The following CACNB4 variants were observed in gnomAD, a reference collection of about 807,000 sequenced individuals.
CACNB4 encodes the protein calcium voltage-gated channel auxiliary subunit beta 4, also known as voltage-dependent L-type calcium channel subunit beta-4.
Under a neutral mutation model 71.2 loss-of-function variants are expected in CACNB4, and 32 were observed. The ratio of observed to expected loss-of-function variants is 0.45; its 90% CI spans 0.34 to 0.60. The LOEUF is 0.60. Ranked by LOEUF, CACNB4 falls within the 20% of genes least tolerant of loss-of-function variation. The pLI is 0.01. For missense variants in CACNB4, 464 were observed against 647.9 expected, an observed-to-expected ratio of 0.72 and a Z score of 3.08; for synonymous variants, 231 against 236.9, an observed-to-expected ratio of 0.97 and a Z score of 0.23.
intron 2 of CACNB4, among the ~76,000 whole-genome samples, chr2:151,905,697 T>C (rs2099854629): frequency 6.6e-6 from 1 of 152,106 alleles, no homozygotes. Flanking sequence ...AAACATGACA[T>C]GTAAGGCCCA....
intron 2 of CACNB4, among the ~76,000 whole-genome samples, chr2:152,036,136 T>C (rs371792943): frequency 6.6e-6 from 1 of 152,218 alleles, no homozygotes; most frequent in South Asian, 2.1e-4. Context: ...GAAAATATAA[T>C]GTGGTTGCCA....
intron 2 of CACNB4, among the ~76,000 whole-genome samples, chr2:151,934,661 ACCCCGTCT>A (rs2099862478): frequency 1.3e-5 from 2 of 152,040 alleles, no homozygotes. Context: ...ACATGGTGAA[ACCCCGTCT>A]CTACTAAAAA....
At chr2:152,002,252 C>T (rs1206905054) in intron 2 of CACNB4, among the ~76,000 whole-genome samples, 1 of 152,174 alleles carries the variant, frequency 6.6e-6, no homozygotes, top group East Asian at 1.9e-4. Context: ...CCTCTTTCGT[C>T]CTCTTACTTG....
chr2:151,928,705 C>G (rs1300199523), intron 2 of CACNB4, among the ~76,000 whole-genome samples: 1 of 152,088 alleles, frequency 6.6e-6, no homozygotes, highest in Non-Finnish European at 1.5e-5. Context: ...AGGCACATCA[C>G]TTTGAGTTCA....
chr2:151,978,172 T>C (rs1033943194), intron 2 of CACNB4, among the ~76,000 whole-genome samples: 1 of 57,472 alleles, frequency 1.7e-5, no homozygotes, highest in African/African-American at 7.5e-5. Flanking sequence ...TCCTCTGCTG[T>C]AGTTCTCTGA....
At chr2:151,999,624 C>G (rs375841103) in intron 2 of CACNB4, among the ~76,000 whole-genome samples, 1 of 152,080 alleles carries the variant, frequency 6.6e-6, no homozygotes, top group Non-Finnish European at 1.5e-5. Flanking sequence ...CAGCCAGAGC[C>G]GAGAGCCAAT....
At chr2:152,020,283 T>G (rs1386109023) in intron 2 of CACNB4, among the ~76,000 whole-genome samples, 1 of 152,158 alleles carries the variant, frequency 6.6e-6, no homozygotes, top group Non-Finnish European at 1.5e-5. Context: ...ATCAAGATGG[T>G]GGGTGGCATT....
In CACNB4 at chr2:151,834,699, G is replaced by C. The variant is rs2099834511; in HGVS notation, c.*4420C>G. 1 of 151,934 alleles carries C rather than the reference G, an allele frequency of 6.6e-6. No individual in the cohort carries two copies. The highest frequency in any genetic ancestry group is 2.1e-4 in the South Asian group (1 of 4,824). The allele number at this position is 151,934 out of a possible 1,614,324, so 9.4% of individuals were successfully genotyped here. ...TGTCTGTCTAACAGCTAATTGGATT[G>C]ACTTGACTGGTTTGATCATGATTAT... On this transcript the variant is annotated 3_prime_UTR_variant, in exon 14 of 14. Coordinates refer to ENST00000539935, the MANE Select transcript of CACNB4 (RefSeq NM_000726.5).
intron 2 of CACNB4, among the ~76,000 whole-genome samples, chr2:152,057,332 G>A (rs1685779329): frequency 6.6e-6 from 1 of 152,146 alleles, no homozygotes; most frequent in African/African-American, 2.4e-5. Flanking sequence ...GTGACTACAG[G>A]TGATACAGAA....
chr2:151,848,105 C>T (rs2099838072), intron 12 of CACNB4, among the ~76,000 whole-genome samples: 1 of 152,152 alleles, frequency 6.6e-6, no homozygotes, highest in Admixed American at 6.6e-5. Context: ...AAAGATAATA[C>T]CATCTACCAA....
At chr2:151,955,098 G>A (rs57505022) in intron 2 of CACNB4, among the ~76,000 whole-genome samples, 14,990 of 151,612 alleles carry the variant, frequency 0.099, 2,443 homozygotes, top group African/African-American at 0.34. Context: ...CTTGTGATCC[G>A]CCCACCTCAG....
At chr2:152,005,670 T>C (rs1038040074) in intron 2 of CACNB4, among the ~76,000 whole-genome samples, 1 of 152,164 alleles carries the variant, frequency 6.6e-6, no homozygotes, top group African/African-American at 2.4e-5. Context: ...ACAATAAAAA[T>C]GGAAACATTT....
At chr2:151,937,096 T>G (rs1450460165) in intron 2 of CACNB4, among the ~76,000 whole-genome samples, 2 of 152,208 alleles carry the variant, frequency 1.3e-5, no homozygotes, top group Non-Finnish European at 2.9e-5. Context: ...CAACCCAGTT[T>G]CAGCAACAAA....
intron 2 of CACNB4, among the ~76,000 whole-genome samples, chr2:151,922,611 G>A (rs1176870092): frequency 1.3e-5 from 2 of 152,224 alleles, no homozygotes; most frequent in Non-Finnish European, 2.9e-5. Flanking sequence ...AGCATGAGGA[G>A]TTTAGATGAA....
chr2:151,867,294 AG>A (rs2099843412), intron 9 of CACNB4: 1 of 152,238 alleles, frequency 6.6e-6, no homozygotes, highest in Non-Finnish European at 1.5e-5. Context: ...GACCTGCATG[AG>A]GGTTAGGGTT....
intron 2 of CACNB4, among the ~76,000 whole-genome samples, chr2:152,035,219 T>C (rs976997350): frequency 6.6e-6 from 1 of 152,224 alleles, no homozygotes; most frequent in African/African-American, 2.4e-5. Flanking sequence ...TTCTTTTGTA[T>C]ATTTATTCAC....
At chr2:152,067,179 C>T (rs1410082471) in intron 2 of CACNB4, among the ~76,000 whole-genome samples, 1 of 152,010 alleles carries the variant, frequency 6.6e-6, no homozygotes, top group East Asian at 1.9e-4. Flanking sequence ...AAAAGAAGTG[C>T]AGGGGAGTAA....
rs3068825 is a variant in CACNB4, at chr2:151,921,174, TAAA to T, written c.148-37807_148-37805del. Among the ~76,000 whole-genome samples, 366 of 56,694 alleles carry T rather than the reference TAAA, an allele frequency of 6.5e-3. 2 individuals are homozygous for T. Among genetic ancestry groups the T allele is most frequent in the Non-Finnish European group, 0.014 (267 of 19,718 alleles). 37.2% of individuals were successfully genotyped at this position (56,694 alleles called of 152,430 possible). ...ATAAATAAATAAATAAATAAATAAATAAATAAATAAGTTAAAAAAAAACACCTT... is the reference window on the plus strand; with the variant it reads ...ATAAATAAATAAATAAATAAATAAATTAAATAAGTTAAAAAAAAACACCTT... On this transcript the variant is annotated intron_variant, in intron 2 of 13. Coordinates refer to ENST00000539935, the MANE Select transcript of CACNB4 (RefSeq NM_000726.5).
intron 2 of CACNB4, among the ~76,000 whole-genome samples, chr2:151,937,106 A>G (rs1382749816): frequency 6.6e-6 from 1 of 152,244 alleles, no homozygotes; most frequent in Non-Finnish European, 1.5e-5. Context: ...TCAGCAACAA[A>G]TAAGTACCAC....
Sources: allele counts gnomAD v4.1 joint callset (sites outside exome capture counted in the v4.1 genomes callset), GRCh38; gene constraint gnomAD v4.1.1; transcripts MANE v1.5; gene names NCBI Gene and HGNC (gene_info 2026-07-23, HGNC 2026-07-21).